The following NRXN3 variants were observed in gnomAD, a reference collection of about 807,000 sequenced individuals.
The protein encoded by NRXN3 is neurexin 3.
NRXN3 carries 32 observed loss-of-function variants against 137.6 expected under a neutral mutation model. That is an observed-to-expected ratio of 0.23 (90% CI 0.18 to 0.31). The LOEUF is 0.31. Ranked by LOEUF, NRXN3 falls within the 10% of genes least tolerant of loss-of-function variation. NRXN3 has a pLI of 1.00. For synonymous variants in NRXN3, 798 were observed against 784.5 expected, an observed-to-expected ratio of 1.02 and a Z score of -0.29; for missense variants, 1,574 against 2,062.5, an observed-to-expected ratio of 0.76 and a Z score of 4.59.
rs10599873 is a variant in NRXN3, at chr14:79,761,684, C to CAAAA, written c.4015-43406_4015-43403dup. Among the ~76,000 whole-genome samples, 56 of 78,770 alleles carry CAAAA rather than the reference C, an allele frequency of 7.1e-4. 1 individual carries two copies. The highest frequency in any genetic ancestry group is 9.0e-4 in the African/African-American group (17 of 18,902). 51.7% of individuals were successfully genotyped at this position (78,770 alleles called of 152,430 possible). A position where few individuals can be genotyped will look rare whatever the true frequency, so the allele number is the denominator to read the frequency against. ...CTGGCAACAAAGCGAGACTCTGTCTCAAAAAAAAAAAAAAAAAAAAAAAAA... is the reference window on the plus strand; with the variant it reads ...CTGGCAACAAAGCGAGACTCTGTCTCAAAAAAAAAAAAAAAAAAAAAAAAAAAAA... On this transcript the variant is annotated intron_variant, in intron 19 of 20. Transcript: ENST00000335750.
chr14:78,954,270 C>T (rs1278776640), intron 10 of NRXN3, among the ~76,000 whole-genome samples: 9 of 152,182 alleles, frequency 5.9e-5, no homozygotes, highest in African/African-American at 2.2e-4. Context: ...TGACTCTCCA[C>T]TTCTGGAGGC....
intron 16 of NRXN3, among the ~76,000 whole-genome samples, chr14:79,540,265 TGC>T (rs1373601812): frequency 2.4e-5 from 2 of 84,676 alleles, no homozygotes; most frequent in African/African-American, 6.8e-5. Context: ...CTGGGTATTA[TGC>T]ATATAAATAT....
chr14:78,926,296 A>C (rs2099290398), intron 10 of NRXN3, among the ~76,000 whole-genome samples: 1 of 152,124 alleles, frequency 6.6e-6, no homozygotes, highest in African/African-American at 2.4e-5. Context: ...AATTAAAAAA[A>C]TAGAACAACT....
At chr14:79,019,844 T>C (rs2152435699) in intron 15 of NRXN3, among the ~76,000 whole-genome samples, 1 of 151,770 alleles carries the variant, frequency 6.6e-6, no homozygotes. Context: ...CCCTGAGTAA[T>C]CCAATGAGGG....
At chr14:79,314,928 C>T (rs535683848) in intron 15 of NRXN3, among the ~76,000 whole-genome samples, 6 of 152,228 alleles carry the variant, frequency 3.9e-5, no homozygotes, top group Admixed American at 1.3e-4. Flanking sequence ...TCACCATCAT[C>T]AAAGACCAAA....
intron 8 of NRXN3, among the ~76,000 whole-genome samples, chr14:78,794,192 G>A (rs1050668945): frequency 5.3e-5 from 8 of 152,072 alleles, no homozygotes; most frequent in African/African-American, 1.9e-4. Flanking sequence ...AGACCAGCCT[G>A]ACCAACATGG....
intron 15 of NRXN3, among the ~76,000 whole-genome samples, chr14:79,306,688 A>T (rs2086126105): frequency 6.6e-6 from 1 of 151,944 alleles, no homozygotes; most frequent in Non-Finnish European, 1.5e-5. Context: ...CTACTTTTCC[A>T]CTCAGCCCTG....
intron 16 of NRXN3, among the ~76,000 whole-genome samples, chr14:79,549,200 C>T (rs2097350379): frequency 1.3e-5 from 2 of 152,050 alleles, no homozygotes; most frequent in African/African-American, 2.4e-5. Context: ...TAGGTTTTAT[C>T]TCAAAAAACA....
At chr14:79,114,552 T>A (rs1276978860) in intron 15 of NRXN3, among the ~76,000 whole-genome samples, 2 of 152,212 alleles carry the variant, frequency 1.3e-5, no homozygotes, top group Non-Finnish European at 2.9e-5. Flanking sequence ...AAAAGTGGTC[T>A]ACTATATTAG....
At chr14:78,617,196 G>T (rs988102296) in intron 4 of NRXN3, among the ~76,000 whole-genome samples, 7 of 152,096 alleles carry the variant, frequency 4.6e-5, no homozygotes, top group Non-Finnish European at 7.4e-5. Context: ...GCTACAAATG[G>T]CAGCTAACTG....
intron 8 of NRXN3, among the ~76,000 whole-genome samples, chr14:78,726,960 A>G (rs966796243): frequency 6.1e-4 from 4 of 6,578 alleles, no homozygotes; most frequent in Non-Finnish European, 1.0e-3. Context: ...TTTATTCACT[A>G]AAAAAAAAAA....
At chr14:79,747,119 A>C (rs1326550507) in intron 19 of NRXN3, among the ~76,000 whole-genome samples, 2 of 152,130 alleles carry the variant, frequency 1.3e-5, no homozygotes, top group African/African-American at 4.8e-5. Context: ...AAATGGAGTC[A>C]GAAAAGCTAC....
intron 5 of NRXN3, among the ~76,000 whole-genome samples, chr14:78,648,510 A>G (rs2152607307): frequency 6.6e-6 from 1 of 152,324 alleles, no homozygotes; most frequent in South Asian, 2.1e-4. Flanking sequence ...TTATTGAGTA[A>G]TAAAGAAGAT....
chr14:78,736,448 G>T (rs570464647), intron 8 of NRXN3, among the ~76,000 whole-genome samples: 1 of 152,158 alleles, frequency 6.6e-6, no homozygotes, highest in Admixed American at 6.5e-5. Flanking sequence ...ACTATTAGGT[G>T]AGGGTATAAT....
rs2099608536 is a variant in NRXN3 at position 79,031,714 on chromosome 14, A to ATCAG, written c.3262+43574_3262+43575insCAGT. On this transcript the variant is annotated intron_variant, in intron 15 of 20. Coordinates refer to ENST00000335750, the MANE Select transcript of NRXN3 (RefSeq NM_001330195.2). ...AAATCAAACTCAGTATCAAGAGTTA[A>ATCAG]TTACAATTTATAATCATTTTGGCTC... Among the ~76,000 whole-genome samples the ATCAG allele has an allele frequency of 3.3e-5, 5 of 152,040 alleles. No homozygotes were observed. The South Asian group carries it at 8.3e-4, about 25-fold the overall frequency.
At chr14:79,296,114 G>A (rs2153467536) in intron 15 of NRXN3, among the ~76,000 whole-genome samples, 1 of 152,146 alleles carries the variant, frequency 6.6e-6, no homozygotes, top group South Asian at 2.1e-4. Flanking sequence ...TCCTCATTAG[G>A]CTCTGCCTTT....
rs191537395 is a variant in NRXN3 at position 79,448,037 on chromosome 14, C to T, written c.3263-19184C>T. On this transcript the variant is annotated intron_variant, in intron 15 of 20. Transcript: ENST00000335750. The stretch of plus-strand genomic sequence containing the variant: ...GAATCAGACAAGGACCTCCTTCACA[C>T]GAAGTGCTTCCTGTGAGGACCTATG... 1.1e-3 allele frequency among the ~76,000 whole-genome samples: 165 copies of T among 152,352 alleles called. 1 individual carries two copies. Among genetic ancestry groups the T allele is most frequent in the Middle Eastern group, 3.4e-3 (1 of 294 alleles).
intron 16 of NRXN3, among the ~76,000 whole-genome samples, chr14:79,566,020 A>T (rs1340267908): frequency 6.6e-6 from 1 of 152,074 alleles, no homozygotes; most frequent in African/African-American, 2.4e-5. Context: ...CTTCAGCTTC[A>T]AGTTTATTCT....
intron 16 of NRXN3, among the ~76,000 whole-genome samples, chr14:79,477,682 G>A (rs1420011468): frequency 1.3e-5 from 2 of 152,014 alleles, no homozygotes; most frequent in African/African-American, 4.8e-5. Context: ...GATTATTTTG[G>A]CTCTGTTAAA....
Sources: allele counts gnomAD v4.1 joint callset (sites outside exome capture counted in the v4.1 genomes callset), GRCh38; gene constraint gnomAD v4.1.1; transcripts MANE v1.5; gene names NCBI Gene and HGNC (gene_info 2026-07-23, HGNC 2026-07-21).